ULK4: variants seen among roughly 807,000 people sequenced by gnomAD.
ULK4 encodes unc-51 like kinase 4.
Under a neutral mutation model 160.6 loss-of-function variants are expected in ULK4, and 133 were observed. The observed-to-expected ratio is 0.83, with a 90% CI of 0.72 to 0.96. The LOEUF (loss-of-function observed/expected upper bound fraction) is 0.96. Ranked by LOEUF, ULK4 falls within the 40% of genes least tolerant of loss-of-function variation. The pLI is 0.00. For synonymous variants in ULK4, 534 were observed against 539.8 expected, an observed-to-expected ratio of 0.99 and a Z score of 0.15; for missense variants, 1,580 against 1,499.5, an observed-to-expected ratio of 1.05 and a Z score of -0.89.
chr3:41,597,993 T>C (rs2031805950), intron 31 of ULK4, among the ~76,000 whole-genome samples: 1 of 152,230 alleles, frequency 6.6e-6, no homozygotes, highest in Non-Finnish European at 1.5e-5. Context: ...AACTCATTTC[T>C]AAGCACATCT....
At chr3:41,285,505 T>C (rs577520022) in intron 35 of ULK4, among the ~76,000 whole-genome samples, 48 of 152,262 alleles carry the variant, frequency 3.2e-4, no homozygotes, top group Non-Finnish European at 5.9e-4. Flanking sequence ...AAACCAAACA[T>C]TGTATATTCT....
chr3:41,419,945 C>T (rs2082622466), intron 34 of ULK4, among the ~76,000 whole-genome samples: 1 of 151,940 alleles, frequency 6.6e-6, no homozygotes, highest in Non-Finnish European at 1.5e-5. Flanking sequence ...GCTTCCTCCG[C>T]CCTGTGCCAA....
intron 31 of ULK4, among the ~76,000 whole-genome samples, chr3:41,593,338 T>C (rs549343167): frequency 6.6e-6 from 1 of 152,164 alleles, no homozygotes; most frequent in South Asian, 2.1e-4. Context: ...GATTTGTTGA[T>C]TGAAGATCTA....
chr3:41,290,625 G>A (rs2079541778), intron 35 of ULK4, among the ~76,000 whole-genome samples: 1 of 152,170 alleles, frequency 6.6e-6, no homozygotes, highest in Non-Finnish European at 1.5e-5. Context: ...TAACTGGACT[G>A]AACTGTATTG....
intron 35 of ULK4, among the ~76,000 whole-genome samples, chr3:41,337,680 G>A (rs1015578008): frequency 2.6e-5 from 4 of 152,104 alleles, no homozygotes; most frequent in African/African-American, 4.8e-5. Context: ...AATATGCTGC[G>A]GTACTGCTGT....
intron 22 of ULK4, among the ~76,000 whole-genome samples, chr3:41,720,442 G>GA (rs1466240689): frequency 2.0e-5 from 3 of 151,610 alleles, no homozygotes; most frequent in Admixed American, 2.0e-4. Context: ...CTTCCACCTA[G>GA]AAAAAAATAC....
intron 21 of ULK4, among the ~76,000 whole-genome samples, chr3:41,761,878 C>T (rs1387054231): frequency 6.6e-6 from 1 of 151,908 alleles, no homozygotes; most frequent in Non-Finnish European, 1.5e-5. Context: ...GAGTTCCAGA[C>T]CAGCCTGGGC....
At chr3:41,609,386 G>T (rs1185373770) in intron 31 of ULK4, among the ~76,000 whole-genome samples, 2 of 152,100 alleles carry the variant, frequency 1.3e-5, no homozygotes, top group African/African-American at 4.8e-5. Flanking sequence ...CCGAGCCCAA[G>T]AAAGTTATTT....
chr3:41,389,966 C>T (rs1267506781), intron 35 of ULK4, among the ~76,000 whole-genome samples: 1 of 152,112 alleles, frequency 6.6e-6, no homozygotes, highest in Admixed American at 6.5e-5. Flanking sequence ...CCTCCTTGTA[C>T]CTCTGGTAGA....
At chr3:41,675,978 A>G (rs866199453) in intron 29 of ULK4, among the ~76,000 whole-genome samples, 1 of 152,324 alleles carries the variant, frequency 6.6e-6, no homozygotes, top group Middle Eastern at 3.4e-3. Context: ...GAATTCTGTC[A>G]ACAACCTAAA....
At chr3:41,799,336 C>T (rs2040390408) in intron 20 of ULK4, among the ~76,000 whole-genome samples, 1 of 152,118 alleles carries the variant, frequency 6.6e-6, no homozygotes. Context: ...ATCCTTTACA[C>T]CACGTTATTA....
At chr3:41,250,446 G>T (rs1234439697) in intron 35 of ULK4, among the ~76,000 whole-genome samples, 1 of 152,156 alleles carries the variant, frequency 6.6e-6, no homozygotes, top group Non-Finnish European at 1.5e-5. Flanking sequence ...TACCTTACAA[G>T]GTAAGTATAT....
Position 41,529,278 on chromosome 3 carries a change from G to C in ULK4, c.3226+36747C>G, listed in dbSNP as rs144308552. Among the ~76,000 whole-genome samples the C allele has an allele frequency of 2.6e-4, 40 of 152,170 alleles. No homozygotes were observed. In the South Asian group the frequency reaches 7.9e-3, roughly 30 times the overall value. On this transcript the variant is annotated intron_variant, in intron 32 of 36. Transcript: ENST00000301831. ...ACGAGAAAAATTTCTAAAAGTTGGA[G>C]CAAAACTCCTAAATTAAACTTACTC...
intron 35 of ULK4, among the ~76,000 whole-genome samples, chr3:41,363,094 T>C (rs1004221643): frequency 6.6e-5 from 10 of 152,208 alleles, no homozygotes. Context: ...ATCCCTACAA[T>C]GCCCCAAGGT....
intron 34 of ULK4, among the ~76,000 whole-genome samples, chr3:41,429,558 C>T (rs2125844777): frequency 6.6e-6 from 1 of 152,226 alleles, no homozygotes; most frequent in African/African-American, 2.4e-5. Flanking sequence ...ACTACGCAGC[C>T]ATAAAAAGGA....
chr3:41,267,615 A>G (rs565097826), intron 35 of ULK4, among the ~76,000 whole-genome samples: 3 of 152,172 alleles, frequency 2.0e-5, no homozygotes, highest in Non-Finnish European at 4.4e-5. Flanking sequence ...CCTGAAATAG[A>G]GGATATGATG....
intron 35 of ULK4, among the ~76,000 whole-genome samples, chr3:41,303,740 T>C (rs2079843791): frequency 6.6e-6 from 1 of 152,154 alleles, no homozygotes; most frequent in South Asian, 2.1e-4. Flanking sequence ...CAGGGTCACC[T>C]TGGGTAGCAT....
chr3:41,728,287 A>T (rs2037716663), intron 22 of ULK4, among the ~76,000 whole-genome samples: 1 of 152,204 alleles, frequency 6.6e-6, no homozygotes, highest in Non-Finnish European at 1.5e-5. Context: ...ATTTCTGTAG[A>T]AGTTCAAGAT....
chr3:41,680,864 T>TA (rs1396129258), intron 29 of ULK4, among the ~76,000 whole-genome samples: 3 of 152,216 alleles, frequency 2.0e-5, no homozygotes. Flanking sequence ...ACATATGGCA[T>TA]ATACTTTTTG....
Sources: gnomAD v4.1 joint callset for allele counts (sites outside exome capture counted in the v4.1 genomes callset) on GRCh38, gnomAD v4.1.1 for gene constraint, MANE v1.5 for transcripts, NCBI Gene and HGNC (gene_info 2026-07-23, HGNC 2026-07-21) for gene names.